The following SERBP1 variants were observed in gnomAD, a reference collection of about 807,000 sequenced individuals.
The protein encoded by SERBP1 is SERPINE1 mRNA-binding protein 1.
Under a neutral mutation model 50.2 loss-of-function variants are expected in SERBP1, and 6 were observed. That is an observed-to-expected ratio of 0.12 (90% CI 0.07 to 0.24). SERBP1 has a LOEUF of 0.24. Among genes scored for constraint, SERBP1 ranks in the 10% least tolerant of loss-of-function variants. The pLI is 1.00. For missense variants in SERBP1, 346 were observed against 524.9 expected, an observed-to-expected ratio of 0.66 and a Z score of 3.33; for synonymous variants, 168 against 182.8, an observed-to-expected ratio of 0.92 and a Z score of 0.65.
chr1:67,430,166 G>A lies in SERBP1; in HGVS notation c.135C>T (p.Gly45=), dbSNP rs1667529419. ...CGCTCTTGGCCCCAGGGCCCCCAAC[G>A]CCGCCCCCGCCGGCTTCTTTTTTCT... ...ENKKKEAGGG[G]VGGPGAKSAA... The change falls in exon 1 of 8, where the codon GGC becomes GGT. Residue 45 remains glycine, a synonymous_variant. Transcript: ENST00000361219. 11 of 1,610,750 alleles carry A rather than the reference G, an allele frequency of 6.8e-6. No individual in the cohort carries two copies. The highest frequency in any genetic ancestry group is 9.3e-6 in the Non-Finnish European group (11 of 1,179,514).
chr1:67,413,863 G>A (rs1044841738), intron 7 of SERBP1, among the ~76,000 whole-genome samples: 4 of 151,912 alleles, frequency 2.6e-5, no homozygotes, highest in African/African-American at 9.7e-5. Context: ...ATGGAGTGCA[G>A]TAACATAATC....
In SERBP1 at chr1:67,409,421, C is replaced by CCCCA; in HGVS notation, c.*3782_*3785dup. The CCCCA allele has an allele frequency of 9.2e-6, 1 of 108,964 alleles. No individual in the cohort carries two copies. Among genetic ancestry groups the CCCCA allele is most frequent in the African/African-American group, 4.0e-5 (1 of 24,910 alleles). 6.7% of individuals were successfully genotyped at this position (108,964 alleles called of 1,614,324 possible). On this transcript the variant is annotated 3_prime_UTR_variant, in exon 8 of 8. Coordinates refer to ENST00000361219, the MANE Select transcript of SERBP1 (RefSeq NM_001018069.2). ...CACACACACACACACACACACACAC[C>CCCCA]CCCACACACACCAGGTCACAGGCTG... is the stretch of plus-strand genomic sequence containing the variant.
At chr1:67,423,991 T>C (rs1386380746) in intron 5 of SERBP1, among the ~76,000 whole-genome samples, 1 of 152,080 alleles carries the variant, frequency 6.6e-6, no homozygotes, top group African/African-American at 2.4e-5. Flanking sequence ...GAGACCTGCC[T>C]AGGCAATATA....
In SERBP1 at chr1:67,413,270, AAG is replaced by A; in HGVS notation, c.1126-9_1126-8del. The A allele has an allele frequency of 6.3e-7, 1 of 1,581,456 alleles. No individual in the cohort carries two copies. The highest frequency in any genetic ancestry group is 8.6e-7 in the Non-Finnish European group (1 of 1,168,742). On this transcript the variant is annotated splice_region_variant and splice_polypyrimidine_tract_variant and intron_variant, in intron 7 of 7. Coordinates refer to ENST00000361219, the MANE Select transcript of SERBP1 (RefSeq NM_001018069.2). ...CAGGAGCAGAAGCACTTGACTGAAA[AAG>A]AAAAACCAAAATTAACCACAGTTCT... is the stretch of plus-strand genomic sequence containing the variant.
At chr1:67,424,812 G>T in intron 4 of SERBP1, 76 bp downstream of exon 4, 1 of 1,082,648 alleles carries the variant, frequency 9.2e-7, no homozygotes, top group Non-Finnish European at 1.4e-6. Context: ...TTATCTCAGA[G>T]ACAAGTAAAA....
At position 67,426,684 on chromosome 1, in the gene SERBP1, C is replaced by T. The variant is rs540188796; in HGVS notation, c.314-399G>A. ...TTTAAAAAATTTTAGGCAAGCAATA[C>T]ATTTTGGCTTTTAAAATACCAAAGA... On this transcript the variant is annotated intron_variant, in intron 1 of 7. Coordinates refer to ENST00000361219, the MANE Select transcript of SERBP1 (RefSeq NM_001018069.2). Among the ~76,000 whole-genome samples the T allele has an allele frequency of 4.9e-4, 75 of 152,178 alleles. No homozygotes were observed. The South Asian group carries it at 0.011, about 21-fold the overall frequency.
Position 67,408,978 on chromosome 1 carries a change from G to C in SERBP1, c.*4229C>G, listed in dbSNP as rs1666726597. On this transcript the variant is annotated 3_prime_UTR_variant, in exon 8 of 8. Coordinates refer to ENST00000361219, the MANE Select transcript of SERBP1 (RefSeq NM_001018069.2). ...GAACTAAACTTTTATTTTTCAGACAGTGTGTCACCCAGACTGGAGTACAGT... is the reference window on the plus strand; with the variant it reads ...GAACTAAACTTTTATTTTTCAGACACTGTGTCACCCAGACTGGAGTACAGT... The C allele has an allele frequency of 6.6e-6, 1 of 152,068 alleles. No individual in the cohort carries two copies. 9.4% of individuals were successfully genotyped at this position (152,068 alleles called of 1,614,324 possible).
At position 67,430,241 on chromosome 1, in the gene SERBP1, T is replaced by C. The variant is rs766086990; in HGVS notation, c.60A>G (p.Leu20=). 1.3e-6 allele frequency: 2 copies of C among 1,589,692 alleles called. No individual in the cohort carries two copies. The highest frequency in any genetic ancestry group is 2.3e-5 in the East Asian group (1 of 44,340). Residue 20 remains leucine, a synonymous_variant, in exon 1 of 8, where the codon TTA becomes TTG. Transcript: ENST00000361219. ...CGAAGGGGTCCGATTCGTCGTCAAA[T>C]AACTGGTCGAATCGGTTGGTGACCA... ...GCVVTNRFDQ[L]FDDESDPFEV...
At chr1:67,428,232 AT>A (rs1193772118) in intron 1 of SERBP1, among the ~76,000 whole-genome samples, 1 of 152,246 alleles carries the variant, frequency 6.6e-6, no homozygotes. Context: ...CTAACATGGA[AT>A]AGTTTTCCCA....
At chr1:67,429,218 T>G (rs1667484704) in intron 1 of SERBP1, among the ~76,000 whole-genome samples, 1 of 152,158 alleles carries the variant, frequency 6.6e-6, no homozygotes, top group South Asian at 2.1e-4. Flanking sequence ...CGTGAAAGAT[T>G]CAGTTTGGGG....
At chr1:67,429,953 ATCCCAGTC>A in intron 1 of SERBP1, 27 bp downstream of exon 1, 1 of 1,552,500 alleles carries the variant, frequency 6.4e-7, no homozygotes, top group Non-Finnish European at 8.7e-7. Context: ...CCTTCCCTCC[ATCCCAGTC>A]TCCCCCACAT....
chr1:67,424,008 C>A (rs1056802842), intron 5 of SERBP1, among the ~76,000 whole-genome samples, 192 bp downstream of exon 5: 3 of 152,104 alleles, frequency 2.0e-5, no homozygotes, highest in Non-Finnish European at 4.4e-5. Flanking sequence ...TATAGTGAGA[C>A]CCTGTCTCTA....
intron 7 of SERBP1, 85 bp from the exon 8 acceptor site, chr1:67,413,348 C>CT: frequency 1.0e-5 from 13 of 1,251,934 alleles, no homozygotes; most frequent in Admixed American, 3.3e-5. Context: ...AGACAGAACT[C>CT]TAAAAAAATC....
chr1:67,423,768 C>G (rs1667282099), intron 5 of SERBP1, among the ~76,000 whole-genome samples: 1 of 152,170 alleles, frequency 6.6e-6, no homozygotes, highest in African/African-American at 2.4e-5. Context: ...CTAGTTTTAA[C>G]TATCTCAAAG....
chr1:67,426,969 A>C (rs1388362575), intron 1 of SERBP1, among the ~76,000 whole-genome samples: 2 of 152,178 alleles, frequency 1.3e-5, no homozygotes, highest in Non-Finnish European at 2.9e-5. Context: ...CAGGCACACA[A>C]AAAGGGCCAT....
intron 6 of SERBP1, among the ~76,000 whole-genome samples, chr1:67,417,971 G>GTTTTTTTTT (rs397861816): frequency 2.1e-4 from 16 of 76,800 alleles, no homozygotes; most frequent in Non-Finnish European, 3.1e-4. Flanking sequence ...TTAAAGTGTT[G>GTTTTTTTTT]TTTTTTTTTT....
At chr1:67,417,815 T>G (rs903022170) in intron 6 of SERBP1, among the ~76,000 whole-genome samples, 1 of 151,714 alleles carries the variant, frequency 6.6e-6, no homozygotes, top group South Asian at 2.1e-4. Context: ...CCGACCTTTT[T>G]TCTAGAGCAC....
intron 7 of SERBP1, among the ~76,000 whole-genome samples, chr1:67,413,667 A>AG (rs1186239901): frequency 4.0e-5 from 6 of 151,496 alleles, no homozygotes; most frequent in Admixed American, 1.3e-4. Context: ...AAAAAAAAAA[A>AG]TCCTACTGTT....
intron 6 of SERBP1, 98 bp downstream of exon 6, chr1:67,419,911 A>C: frequency 1.9e-6 from 2 of 1,049,698 alleles, no homozygotes; most frequent in Non-Finnish European, 2.8e-6. Context: ...GTAAAGCTTT[A>C]ACAGACAAAT....
Sources: gnomAD v4.1 joint callset for allele counts (sites outside exome capture counted in the v4.1 genomes callset) on GRCh38, gnomAD v4.1.1 for gene constraint, MANE v1.5 for transcripts, NCBI Gene and HGNC (gene_info 2026-07-23, HGNC 2026-07-21) for gene names.